Variants in WDR25 observed in about 807,000 individuals in gnomAD.
WDR25 encodes the protein WD repeat-containing protein 25.
Under a neutral mutation model 47.7 loss-of-function variants are expected in WDR25, and 35 were observed. The ratio of observed to expected loss-of-function variants is 0.73; its 90% CI spans 0.56 to 0.97. The LOEUF (loss-of-function observed/expected upper bound fraction) is 0.97. WDR25 is among the 50% of genes least tolerant of loss of function. The probability of loss-of-function intolerance (pLI) is 0.00; values close to 1 mark genes in which losing one functional copy is unlikely to be tolerated. For synonymous variants in WDR25, 248 were observed against 278.9 expected (o/e 0.89, Z 1.10); for missense variants, 634 against 704.7 (o/e 0.90, Z 1.14).
chr14:100,473,796 G>A (rs1899926226), intron 3 of WDR25, among the ~76,000 whole-genome samples: 1 of 152,214 alleles, frequency 6.6e-6, no homozygotes, highest in Non-Finnish European at 1.5e-5. Flanking sequence ...CCGGTCCTTG[G>A]AAGAAGTGCC....
intron 4 of WDR25, among the ~76,000 whole-genome samples, chr14:100,515,478 C>A (rs948969829): frequency 6.6e-6 from 1 of 151,954 alleles, no homozygotes. Context: ...CTATTAATAG[C>A]GGGGCATTGT....
chr14:100,413,705 G>A (rs894119553), intron 2 of WDR25, among the ~76,000 whole-genome samples: 1 of 152,146 alleles, frequency 6.6e-6, no homozygotes, highest in East Asian at 1.9e-4. Context: ...GAGCCACCGC[G>A]CCCGGCCTTG....
intron 2 of WDR25, among the ~76,000 whole-genome samples, chr14:100,433,481 C>T (rs1898402306): frequency 6.6e-6 from 1 of 152,184 alleles, no homozygotes; most frequent in South Asian, 2.1e-4. Context: ...TAATATTTTG[C>T]CTTTTGCAAT....
chr14:100,378,494 A>G (rs1452670228), intron 1 of WDR25, among the ~76,000 whole-genome samples: 1 of 152,114 alleles, frequency 6.6e-6, no homozygotes, highest in African/African-American at 2.4e-5. Flanking sequence ...ACAAGTAGAA[A>G]TTCATTGCAG....
At chr14:100,396,565 C>T (rs1897264828) in intron 2 of WDR25, among the ~76,000 whole-genome samples, 1 of 152,164 alleles carries the variant, frequency 6.6e-6, no homozygotes. Context: ...ACAAGTTTGC[C>T]CAGTTCTTGC....
At chr14:100,453,544 G>A (rs536996265) in intron 2 of WDR25, among the ~76,000 whole-genome samples, 25 of 152,336 alleles carry the variant, frequency 1.6e-4, no homozygotes, top group East Asian at 5.8e-4. Context: ...ACCTGGAGGC[G>A]GTCCCAGAAT....
chr14:100,410,544 G>T (rs1897677751), intron 2 of WDR25, among the ~76,000 whole-genome samples: 1 of 152,130 alleles, frequency 6.6e-6, no homozygotes, highest in Non-Finnish European at 1.5e-5. Flanking sequence ...GGTGGGTAGG[G>T]GAGAAGACAG....
intron 2 of WDR25, among the ~76,000 whole-genome samples, chr14:100,390,590 G>T (rs960607137): frequency 6.6e-6 from 1 of 152,220 alleles, no homozygotes; most frequent in Non-Finnish European, 1.5e-5. Context: ...TCTTCTCTGG[G>T]TGGGCTCTTG....
intron 2 of WDR25, among the ~76,000 whole-genome samples, chr14:100,426,093 C>G (rs1281939872): frequency 3.9e-5 from 6 of 152,192 alleles, no homozygotes; most frequent in Non-Finnish European, 8.8e-5. Flanking sequence ...TCTCTCTCTA[C>G]AAGCCAAAGC....
At chr14:100,436,211 T>C (rs147099469) in intron 2 of WDR25, among the ~76,000 whole-genome samples, 125 of 152,276 alleles carry the variant, frequency 8.2e-4, no homozygotes, top group Non-Finnish European at 1.2e-3. Context: ...GCATTTTCCA[T>C]ATGAGTGCTT....
At chr14:100,401,266 C>T (rs959898664) in intron 2 of WDR25, among the ~76,000 whole-genome samples, 1 of 152,170 alleles carries the variant, frequency 6.6e-6, no homozygotes, top group African/African-American at 2.4e-5. Context: ...GGCCCAGTTT[C>T]TGCTTCTGCC....
chr14:100,526,050 C>G lies in WDR25; in HGVS notation c.1272+10C>G. On this transcript the variant is annotated intron_variant, in intron 5 of 6. Coordinates refer to ENST00000402312, the MANE Select transcript of WDR25 (RefSeq NM_001161476.3). ...CAACCAGATTTTCCACGTAAGAAAT[C>G]CCATTTGGCATTGCTGTCAGTTTCA... is the stretch of plus-strand genomic sequence containing the variant. 6.2e-7 allele frequency: 1 copy of G among 1,613,888 alleles called. No individual in the cohort carries two copies. The highest frequency in any genetic ancestry group is 1.1e-5 in the South Asian group (1 of 91,048).
chr14:100,493,758 A>G (rs541410959), intron 4 of WDR25, among the ~76,000 whole-genome samples: 1 of 152,316 alleles, frequency 6.6e-6, no homozygotes, highest in African/African-American at 2.4e-5. Context: ...CCCAAAATTC[A>G]TATGTTGAGG....
At chr14:100,422,669 C>T (rs534335165) in intron 2 of WDR25, among the ~76,000 whole-genome samples, 20 of 152,322 alleles carry the variant, frequency 1.3e-4, no homozygotes, top group African/African-American at 4.6e-4. Flanking sequence ...GTATTTGTTC[C>T]GTGGACGCCC....
At chr14:100,442,698 G>T (rs2140249095) in intron 2 of WDR25, among the ~76,000 whole-genome samples, 1 of 152,282 alleles carries the variant, frequency 6.6e-6, no homozygotes, top group East Asian at 1.9e-4. Flanking sequence ...CTGCTATTCT[G>T]TGTACTAAGC....
At chr14:100,405,471 A>G (rs1897508297) in intron 2 of WDR25, among the ~76,000 whole-genome samples, 1 of 152,112 alleles carries the variant, frequency 6.6e-6, no homozygotes, top group African/African-American at 2.4e-5. Flanking sequence ...TCTCTGCCCC[A>G]TCTTATAGGC....
chr14:100,513,090 C>T (rs552691544), intron 4 of WDR25, among the ~76,000 whole-genome samples: 3 of 152,228 alleles, frequency 2.0e-5, no homozygotes, highest in Non-Finnish European at 4.4e-5. Flanking sequence ...ATGTCAATTA[C>T]GTCAAGTTGG....
intron 4 of WDR25, among the ~76,000 whole-genome samples, chr14:100,515,625 A>G (rs1387344073): frequency 6.6e-6 from 1 of 151,600 alleles, no homozygotes; most frequent in Non-Finnish European, 1.5e-5. Flanking sequence ...GTTCTTTTCT[A>G]TTTATTATTA....
In WDR25 at chr14:100,500,000, C is replaced by A. The variant is rs1816568044; in HGVS notation, c.1101+15876C>A. On this transcript the variant is annotated intron_variant, in intron 4 of 6. Coordinates refer to ENST00000402312, the MANE Select transcript of WDR25 (RefSeq NM_001161476.3). This position sits in a 1 kb window ranked among gnomAD's most constrained non-coding sequence, Gnocchi z 4.4. ...GCTGTCCCTGAGATGGGGGATGGTA[C>A]AAGCATTGGGAAATGGTCTTGCAGC... Among the ~76,000 whole-genome samples, 1 of 152,084 alleles carries A rather than the reference C, an allele frequency of 6.6e-6. No homozygotes were observed. The highest frequency in any genetic ancestry group is 2.4e-5 in the African/African-American group (1 of 41,388).
Sources: gnomAD v4.1 joint callset for allele counts (sites outside exome capture counted in the v4.1 genomes callset) on GRCh38, gnomAD v4.1.1 for gene constraint, Gnocchi (gnomAD v3.1) non-coding constraint, MANE v1.5 for transcripts, NCBI Gene and HGNC (gene_info 2026-07-23, HGNC 2026-07-21) for gene names.